GUCY2F: variants seen among roughly 807,000 people sequenced by gnomAD.
GUCY2F encodes the protein guanylate cyclase 2F, retinal, also known as retinal guanylyl cyclase 2.
GUCY2F carries 61 observed loss-of-function variants against 73.1 expected under a neutral mutation model. The observed-to-expected ratio is 0.83, with a 90% confidence interval of 0.68 to 1.03. The LOEUF is 1.03. GUCY2F is among the 50% of genes least tolerant of loss of function. GUCY2F has a pLI of 0.00. For missense variants in GUCY2F, 912 were observed against 854.3 expected, an observed-to-expected ratio of 1.07 and a Z score of -0.84; for synonymous variants, 331 against 307.8, an observed-to-expected ratio of 1.08 and a Z score of -0.79.
At chrX:109,406,483 A>G (rs1280186135) in intron 9 of GUCY2F, among the ~76,000 whole-genome samples, 3 of 111,980 alleles carry the variant, frequency 2.7e-5, no homozygotes, top group Non-Finnish European at 5.6e-5. Context: ...TGGCAACAGG[A>G]AGTAAAGAAA....
In GUCY2F at chrX:109,465,432, A is replaced by G; in HGVS notation, c.742T>C (p.Cys248Arg). 1 of 1,192,657 alleles carries G rather than the reference A, an allele frequency of 8.4e-7. No homozygotes were observed. The highest frequency in any genetic ancestry group is 1.8e-5 in the South Asian group (1 of 54,483). The change falls in exon 3 of 20, where the codon TGT becomes CGT. Residue 248 changes from cysteine (C) to arginine (R), a missense_variant. Cys to Arg is a radical substitution (Grantham distance 180). Coordinates refer to ENST00000218006, the MANE Select transcript of GUCY2F (RefSeq NM_001522.3). Reference protein sequence around the residue: ...QADRIRIIIMCMHSALIGGET... With the variant: ...QADRIRIIIMRMHSALIGGET... Reference sequence around the variant, plus strand: ...CCCCCAATCAAAGCTGAATGCATACACATGATGATTACTGAAACCAACAAA... The same window carrying G: ...CCCCCAATCAAAGCTGAATGCATACGCATGATGATTACTGAAACCAACAAA...
chrX:109,379,768 C>A (rs595199), intron 17 of GUCY2F, among the ~76,000 whole-genome samples: 25,991 of 111,586 alleles, frequency 0.23, 2,675 homozygotes, highest in East Asian at 0.7. Flanking sequence ...GCCCACAAGG[C>A]GAGAAATATT....
At chrX:109,481,140 G>C (rs1016393825) in intron 1 of GUCY2F, among the ~76,000 whole-genome samples, 5 of 107,980 alleles carry the variant, frequency 4.6e-5, no homozygotes, top group African/African-American at 1.7e-4. Flanking sequence ...GGCAAGATAG[G>C]GGGAGGATGC....
chrX:109,453,705 G>A lies in GUCY2F; in HGVS notation c.1187C>T (p.Thr396Ile), dbSNP rs764163712. 1 of 1,204,824 alleles carries A rather than the reference G, an allele frequency of 8.3e-7. No homozygotes were observed. Reference sequence around the variant, plus strand: ...TGAAATTCCATTTCCATTTGAATCTGTCCTCATCAACTGGTTGAATCCATG... The same window carrying A: ...TGAAATTCCATTTCCATTTGAATCTATCCTCATCAACTGGTTGAATCCATG... ...QFHGFNQLMRTDSNGNGISEY... is the reference protein window; with the variant it reads ...QFHGFNQLMRIDSNGNGISEY... Residue 396 changes from threonine to isoleucine, a missense_variant, in exon 4 of 20, where the codon ACA (threonine) becomes ATA (isoleucine). Thr to Ile is a moderately conservative substitution (Grantham distance 89). Transcript: ENST00000218006.
At chrX:109,435,014 G>C (rs1459359436) in intron 7 of GUCY2F, among the ~76,000 whole-genome samples, 2 of 110,325 alleles carry the variant, frequency 1.8e-5, no homozygotes, top group Admixed American at 1.9e-4. Context: ...GTACCATGCT[G>C]TTTTGGTTAC....
At chrX:109,436,378 G>A (rs1165497495) in intron 7 of GUCY2F, among the ~76,000 whole-genome samples, 5 of 110,773 alleles carry the variant, frequency 4.5e-5, no homozygotes, top group African/African-American at 6.6e-5. Context: ...TCAGTGTGGC[G>A]ATTCCTCAGG....
intron 3 of GUCY2F, among the ~76,000 whole-genome samples, chrX:109,464,414 T>C (rs1340443377): frequency 8.9e-6 from 1 of 112,386 alleles, no homozygotes; most frequent in Non-Finnish European, 1.9e-5. Flanking sequence ...TTCTTCCCCA[T>C]TCCAAGTGGC....
At chrX:109,407,755 C>CA (rs2147260418) in intron 9 of GUCY2F, among the ~76,000 whole-genome samples, 1 of 113,489 alleles carries the variant, frequency 8.8e-6, no homozygotes, top group South Asian at 3.6e-4. Flanking sequence ...AGGGCGGAAG[C>CA]CCCAAGCCTT....
intron 3 of GUCY2F, among the ~76,000 whole-genome samples, chrX:109,454,826 C>T (rs746825743): frequency 3.3e-4 from 37 of 110,924 alleles, no homozygotes; most frequent in Non-Finnish European, 5.9e-4. Flanking sequence ...CATGTCACTT[C>T]ACTTCTAGGA....
At chrX:109,401,179 C>T (rs1311993966) in intron 10 of GUCY2F, among the ~76,000 whole-genome samples, 1 of 112,248 alleles carries the variant, frequency 8.9e-6, no homozygotes, top group Non-Finnish European at 1.9e-5. Context: ...CTCATCTCCA[C>T]TCCAGAACCA....
chrX:109,440,036 T>C, intron 7 of GUCY2F, among the ~76,000 whole-genome samples: 1 of 112,499 alleles, frequency 8.9e-6, no homozygotes, highest in Middle Eastern at 4.6e-3. Context: ...TTAGGTATTT[T>C]TTTGTAACAA....
At chrX:109,403,768 C>T (rs1230779899) in intron 10 of GUCY2F, among the ~76,000 whole-genome samples, 1 of 112,655 alleles carries the variant, frequency 8.9e-6, no homozygotes, top group Non-Finnish European at 1.9e-5. Flanking sequence ...TAAAATGTTT[C>T]ATTTAAAGAT....
intron 7 of GUCY2F, among the ~76,000 whole-genome samples, chrX:109,438,629 G>A (rs1418131630): frequency 1.8e-5 from 2 of 113,113 alleles, no homozygotes; most frequent in Non-Finnish European, 3.7e-5. Flanking sequence ...ACACTGGGGT[G>A]GGTGTTGGGC....
At chrX:109,475,141 C>A in intron 2 of GUCY2F, 66 bp downstream of exon 2, 1 of 1,082,183 alleles carries the variant, frequency 9.2e-7, no homozygotes, top group South Asian at 2.1e-5. Flanking sequence ...GGGTAGGAAA[C>A]CTTTTGGAGA....
chrX:109,474,535 C>T (rs1932642663), intron 2 of GUCY2F, among the ~76,000 whole-genome samples: 1 of 111,847 alleles, frequency 8.9e-6, no homozygotes. Context: ...TGTCTATCGT[C>T]TCTGCAAGAA....
chrX:109,472,402 A>G (rs1932593234), intron 2 of GUCY2F, among the ~76,000 whole-genome samples: 2 of 111,716 alleles, frequency 1.8e-5, no homozygotes, highest in Admixed American at 1.9e-4. Context: ...TTGGGGGTCC[A>G]CAGTGTTAAA....
chrX:109,473,745 T>G (rs891513904), intron 2 of GUCY2F, among the ~76,000 whole-genome samples: 1 of 112,049 alleles, frequency 8.9e-6, no homozygotes, highest in African/African-American at 3.2e-5. Context: ...CATTTTATGG[T>G]AGAGGCCAAA....
intron 2 of GUCY2F, among the ~76,000 whole-genome samples, chrX:109,474,843 TAAG>T (rs1339497858): frequency 1.8e-5 from 2 of 111,510 alleles, no homozygotes; most frequent in Non-Finnish European, 3.8e-5. Context: ...AATGAAGCCA[TAAG>T]AAGACCCGCG....
intron 6 of GUCY2F, among the ~76,000 whole-genome samples, chrX:109,443,482 A>T (rs1931922109): frequency 9.0e-6 from 1 of 111,007 alleles, no homozygotes; most frequent in Non-Finnish European, 1.9e-5. Context: ...AAGTGAAAAA[A>T]ACTATCATGG....
Sources: allele counts gnomAD v4.1 joint callset (sites outside exome capture counted in the v4.1 genomes callset), GRCh38; gene constraint gnomAD v4.1.1; transcripts MANE v1.5; gene names NCBI Gene and HGNC (gene_info 2026-07-23, HGNC 2026-07-21).